XPNPEP1: variants seen among roughly 807,000 people sequenced by gnomAD.
The protein encoded by XPNPEP1 is xaa-Pro aminopeptidase 1.
XPNPEP1 carries 39 observed loss-of-function variants against 92.4 expected under a neutral mutation model. The ratio of observed to expected loss-of-function variants is 0.42; its 90% CI spans 0.33 to 0.55. The LOEUF is 0.55. Among genes scored for constraint, XPNPEP1 ranks in the 20% least tolerant of loss-of-function variants. The pLI, the probability that XPNPEP1 is intolerant of heterozygous loss-of-function variation, is 0.08. For synonymous variants in XPNPEP1, 307 were observed against 299.4 expected, an observed-to-expected ratio of 1.03 and a Z score of -0.26; for missense variants, 654 against 856.1, an observed-to-expected ratio of 0.76 and a Z score of 2.95.
intron 7 of XPNPEP1, among the ~76,000 whole-genome samples, chr10:109,887,398 C>G (rs935475683): frequency 2.6e-5 from 4 of 152,156 alleles, no homozygotes; most frequent in African/African-American, 7.2e-5. Context: ...GGCCCAGAAT[C>G]TAGGCTGTCA....
Position 109,888,586 on chromosome 10 carries a change from T to C in XPNPEP1, c.425A>G (p.Asp142Gly), listed in dbSNP as rs903039247. 1 of 1,605,900 alleles carries C rather than the reference T, an allele frequency of 6.2e-7. No homozygotes were observed. The highest frequency in any genetic ancestry group is 8.5e-7 in the Non-Finnish European group (1 of 1,175,056). ...CAGCCAGTCTTCCTGAGTTGGTGTG[T>C]CCTTCAGACCTACAGGGGGAAGAAA... ...NWTLMKMGLK[D>G]TPTQEDWLVS... The change falls in exon 6 of 21, where the codon GAC becomes GGC. Residue 142 changes from aspartate to glycine, a missense_variant. Physicochemically the swap from Asp to Gly is moderately conservative, Grantham distance 94. Transcript: ENST00000502935.
At chr10:109,871,009 A>C in intron 17 of XPNPEP1, 105 bp from the exon 18 acceptor site, 1 of 1,337,784 alleles carries the variant, frequency 7.5e-7, no homozygotes, top group Non-Finnish European at 1.0e-6. Context: ...TAGGTAAGTT[A>C]CTGGAGGGTT....
At chr10:109,897,953 C>T (rs1849073942) in intron 3 of XPNPEP1, among the ~76,000 whole-genome samples, 1 of 152,226 alleles carries the variant, frequency 6.6e-6, no homozygotes. Flanking sequence ...TGCACCCAGC[C>T]TCAGGTCTGA....
At chr10:109,884,374 T>A (rs1848275594) in intron 8 of XPNPEP1, 1 of 519,772 alleles carries the variant, frequency 1.9e-6, no homozygotes, top group Non-Finnish European at 3.4e-6. Flanking sequence ...GGCTTCCACA[T>A]CACTGCCCGG....
intron 3 of XPNPEP1, among the ~76,000 whole-genome samples, chr10:109,894,441 G>A (rs1260165962): frequency 6.6e-6 from 1 of 151,858 alleles, no homozygotes; most frequent in Non-Finnish European, 1.5e-5. Flanking sequence ...TGAGGTGGGA[G>A]GATAATCTGA....
intron 1 of XPNPEP1, among the ~76,000 whole-genome samples, chr10:109,922,267 A>G (rs1263377778): frequency 6.6e-6 from 1 of 152,036 alleles, no homozygotes; most frequent in African/African-American, 2.4e-5. Flanking sequence ...CTGGTGTAGA[A>G]AAGACTCTTC....
At chr10:109,890,900 T>G (rs1233964232) in intron 5 of XPNPEP1, among the ~76,000 whole-genome samples, 3 of 152,186 alleles carry the variant, frequency 2.0e-5, no homozygotes, top group Admixed American at 6.5e-5. Context: ...ACTATTTTCT[T>G]TCCTCATTAT....
intron 1 of XPNPEP1, among the ~76,000 whole-genome samples, chr10:109,919,645 T>A (rs957774403): frequency 1.3e-5 from 2 of 152,218 alleles, no homozygotes; most frequent in Non-Finnish European, 2.9e-5. Context: ...GCTGCATTAT[T>A]TGTAACAGCC....
At chr10:109,877,950 A>G (rs1237156147) in intron 13 of XPNPEP1, 50 bp downstream of exon 13, 1 of 1,614,188 alleles carries the variant, frequency 6.2e-7, no homozygotes, top group Non-Finnish European at 8.5e-7. Flanking sequence ...TCATTCAACT[A>G]GCAAGAAAAT....
At position 109,918,162 on chromosome 10, in the gene XPNPEP1, C is replaced by T. The variant is rs555463057; in HGVS notation, c.33-3063G>A. ...AAAGCCCAGGCACAATGACTCACATCTGTAATCCCAGCACTTTGGGAGGCC... is the reference window on the plus strand; with the variant it reads ...AAAGCCCAGGCACAATGACTCACATTTGTAATCCCAGCACTTTGGGAGGCC... On this transcript the variant is annotated intron_variant, in intron 1 of 20. Transcript: ENST00000502935. Among the ~76,000 whole-genome samples, 3 of 152,190 alleles carry T rather than the reference C, an allele frequency of 2.0e-5. No homozygotes were observed. In the South Asian group the frequency reaches 6.2e-4, roughly 32 times the overall value.
chr10:109,898,705 T>G (rs1033552727), intron 3 of XPNPEP1, among the ~76,000 whole-genome samples: 5 of 152,224 alleles, frequency 3.3e-5, no homozygotes, highest in African/African-American at 4.8e-5. Flanking sequence ...TGAAGACAAA[T>G]AGTCAAAGAC....
chr10:109,899,666 G>T (rs1849176417), intron 3 of XPNPEP1, among the ~76,000 whole-genome samples: 1 of 152,272 alleles, frequency 6.6e-6, no homozygotes, highest in African/African-American at 2.4e-5. Flanking sequence ...GGAGAATGGA[G>T]TAGGGTCCAA....
In XPNPEP1 at chr10:109,868,466, A is replaced by G. The variant is rs546242716; in HGVS notation, c.1872+148T>C. On this transcript the variant is annotated intron_variant, in intron 20 of 20. Transcript: ENST00000502935. ...AGTCCTCAGAAAACCTAGGGCTTTC[A>G]GACTCAACTGGCCTAGACCTCTAAA... The G allele has an allele frequency of 2.2e-5, 15 of 683,046 alleles. No individual in the cohort carries two copies. In the East Asian group the frequency reaches 4.1e-4, roughly 19 times the overall value. 42.3% of individuals were successfully genotyped at this position (683,046 alleles called of 1,614,324 possible). A position where few individuals can be genotyped will look rare whatever the true frequency, so the allele number is the denominator to read the frequency against.
chr10:109,891,521 C>G (rs1056719150), intron 5 of XPNPEP1: 5 of 437,196 alleles, frequency 1.1e-5, no homozygotes, highest in Admixed American at 3.9e-5. Context: ...AAATAAGTAT[C>G]CTGAACCAGC....
At chr10:109,885,573 T>G (rs1848344324) in intron 8 of XPNPEP1, among the ~76,000 whole-genome samples, 1 of 152,220 alleles carries the variant, frequency 6.6e-6, no homozygotes, top group African/African-American at 2.4e-5. Context: ...ATGCAGGGAC[T>G]GAAGAGAGAG....
At chr10:109,907,145 C>T (rs1014279814) in intron 3 of XPNPEP1, among the ~76,000 whole-genome samples, 6 of 152,282 alleles carry the variant, frequency 3.9e-5, no homozygotes, top group Middle Eastern at 6.8e-3. Flanking sequence ...GAATAGCACT[C>T]TTATATTATT....
At chr10:109,890,579 TGTGTGTGTGTGTGTGAGAGAGA>T (rs1447134442) in intron 5 of XPNPEP1, among the ~76,000 whole-genome samples, 2 of 90,752 alleles carry the variant, frequency 2.2e-5, no homozygotes, top group Admixed American at 2.8e-4. Flanking sequence ...TGTGTGTGTG[TGTGTGTGTGTGTGTGAGAGAGA>T]GAGAGAGAGA....
intron 2 of XPNPEP1, 85 bp downstream of exon 2, chr10:109,914,926 T>A (rs1850102680): frequency 2.6e-6 from 2 of 775,252 alleles, no homozygotes; most frequent in Non-Finnish European, 3.9e-6. Flanking sequence ...TTCCTTACCC[T>A]CTTCTTCTCA....
chr10:109,870,397 A>C (rs761843486), intron 18 of XPNPEP1, among the ~76,000 whole-genome samples: 12 of 152,348 alleles, frequency 7.9e-5, no homozygotes, highest in Admixed American at 1.3e-4. Flanking sequence ...TCAAGTAAGA[A>C]AGCAGAACAT....
Sources: gnomAD v4.1 joint callset for allele counts (sites outside exome capture counted in the v4.1 genomes callset) on GRCh38, gnomAD v4.1.1 for gene constraint, MANE v1.5 for transcripts, NCBI Gene and HGNC (gene_info 2026-07-23, HGNC 2026-07-21) for gene names.